The following LINC00305 variants were observed in gnomAD, a reference collection of about 807,000 sequenced individuals.
LINC00305 encodes the protein long independently transcribed non-coding RNA 305.
intron 3 of LINC00305, chr18:64,097,725 G>GTCC (rs2051250341): frequency 2.7e-6 from 1 of 368,314 alleles, no homozygotes; most frequent in Non-Finnish European, 5.3e-6. Context: ...ATTATCAGAA[G>GTCC]TAATATTATT....
At chr18:64,099,563 C>A (rs1940870641) in intron 1 of LINC00305, among the ~76,000 whole-genome samples, 1 of 152,098 alleles carries the variant, frequency 6.6e-6, no homozygotes, top group Admixed American at 6.5e-5. Context: ...AAATAAAAAT[C>A]TTTTTTGCTA....
intron 1 of LINC00305, among the ~76,000 whole-genome samples, chr18:64,128,531 C>T (rs1204830867): frequency 6.6e-6 from 1 of 152,030 alleles, no homozygotes; most frequent in Non-Finnish European, 1.5e-5. Flanking sequence ...CCTGGGAGCA[C>T]TGAAATGAAA....
At chr18:64,116,876 G>A (rs926324058) in intron 1 of LINC00305, among the ~76,000 whole-genome samples, 1 of 152,172 alleles carries the variant, frequency 6.6e-6, no homozygotes, top group Non-Finnish European at 1.5e-5. Flanking sequence ...CCATGGAAAT[G>A]AGTCCTGGGG....
chr18:64,105,013 C>A (rs1220866229), intron 1 of LINC00305, among the ~76,000 whole-genome samples: 1 of 151,930 alleles, frequency 6.6e-6, no homozygotes, highest in African/African-American at 2.4e-5. Context: ...TACTTCAGCA[C>A]CCACCCCCCA....
chr18:64,122,750 A>G (rs1433279664), intron 1 of LINC00305, among the ~76,000 whole-genome samples: 1 of 152,144 alleles, frequency 6.6e-6, no homozygotes, highest in Non-Finnish European at 1.5e-5. Flanking sequence ...TAGAGATTAC[A>G]TTAACTCTGT....
At position 64,114,687 on chromosome 18, in the gene LINC00305, T is replaced by G. The variant is rs534527003; in HGVS notation, n.315-16047A>C. Among the ~76,000 whole-genome samples the G allele has an allele frequency of 8.5e-5, 13 of 152,310 alleles. No individual in the cohort carries two copies. In the South Asian group the frequency reaches 2.3e-3, roughly 27 times the overall value. On this transcript the variant is annotated intron_variant and non_coding_transcript_variant, in intron 1 of 3. Transcript: ENST00000666468. ...CCTTAGCCTCCAGAGTAGCTGAGAT[T>G]ACAGGTGCATGCCACCACACCCAGC...
chr18:64,129,618 T>C (rs2051400414), intron 1 of LINC00305, among the ~76,000 whole-genome samples: 1 of 152,176 alleles, frequency 6.6e-6, no homozygotes, highest in African/African-American at 2.4e-5. Flanking sequence ...TGTTTCCTAT[T>C]CAGGAATCTT....
At chr18:64,133,545 T>C (rs1466442160) in intron 1 of LINC00305, among the ~76,000 whole-genome samples, 1 of 152,206 alleles carries the variant, frequency 6.6e-6, no homozygotes, top group Non-Finnish European at 1.5e-5. Flanking sequence ...AGGCCACAGA[T>C]AGGCTCCCAG....
At chr18:64,098,024 C>G (rs2051252132) in intron 2 of LINC00305, 1 of 457,118 alleles carries the variant, frequency 2.2e-6, no homozygotes, top group African/African-American at 2.0e-5. Context: ...GAGTGGAGAG[C>G]AAGGTGGCAA....
At position 64,114,402 on chromosome 18, in the gene LINC00305, A is replaced by G. The variant is rs190888379; in HGVS notation, n.315-15762T>C. Among the ~76,000 whole-genome samples, 4 of 152,268 alleles carry G rather than the reference A, an allele frequency of 2.6e-5. No individual in the cohort carries two copies. In the East Asian group the frequency reaches 5.8e-4, roughly 22 times the overall value. On this transcript the variant is annotated intron_variant and non_coding_transcript_variant, in intron 1 of 3. Transcript: ENST00000666468. ...CAAGCCCTTAACCAGAGGATTGCTGAATGGGACTAAATGGACATTCCGGGT... is the reference window on the plus strand; with the variant it reads ...CAAGCCCTTAACCAGAGGATTGCTGGATGGGACTAAATGGACATTCCGGGT...
intron 3 of LINC00305, among the ~76,000 whole-genome samples, chr18:64,094,793 G>A (rs1418959269): frequency 6.6e-6 from 1 of 151,944 alleles, no homozygotes. Context: ...AATCCAGGAG[G>A]TGGAGCTTGC....
At chr18:64,144,531 G>A (rs542276155) in intron 1 of LINC00305, among the ~76,000 whole-genome samples, 3 of 151,486 alleles carry the variant, frequency 2.0e-5, no homozygotes, top group East Asian at 1.9e-4. Flanking sequence ...TTTTTGAGAC[G>A]GAATTTTGCT....
intron 1 of LINC00305, among the ~76,000 whole-genome samples, chr18:64,108,149 C>T (rs1254085789): frequency 6.6e-6 from 1 of 152,178 alleles, no homozygotes; most frequent in Non-Finnish European, 1.5e-5. Context: ...AATGGGGTTG[C>T]TGATTTCTGG....
chr18:64,103,341 G>A (rs1401012801), intron 1 of LINC00305, among the ~76,000 whole-genome samples: 1 of 152,114 alleles, frequency 6.6e-6, no homozygotes, highest in Admixed American at 6.5e-5. Flanking sequence ...AAATGAGTGT[G>A]GGTAGACAAT....
chr18:64,123,824 T>A (rs1175895600), intron 1 of LINC00305, among the ~76,000 whole-genome samples: 1 of 152,030 alleles, frequency 6.6e-6, no homozygotes, highest in African/African-American at 2.4e-5. Context: ...ATTAATGCCC[T>A]CTGTCAAGAA....
At chr18:64,112,796 G>T (rs532105249) in intron 1 of LINC00305, among the ~76,000 whole-genome samples, 1 of 152,020 alleles carries the variant, frequency 6.6e-6, no homozygotes, top group Admixed American at 6.5e-5. Flanking sequence ...ATGACTTTTG[G>T]TTTTTCATTT....
At position 64,104,498 on chromosome 18, in the gene LINC00305, C is replaced by T. The variant is rs573300601; in HGVS notation, n.315-5858G>A. ...CCCAACCTGCACCTTAATCAATTAC[C>T]ATTCTTGCCTTCACGTGCTGGCATG... On this transcript the variant is annotated intron_variant and non_coding_transcript_variant, in intron 1 of 3. Transcript: ENST00000666468. Among the ~76,000 whole-genome samples, 4 of 152,318 alleles carry T rather than the reference C, an allele frequency of 2.6e-5. No individual in the cohort carries two copies. In the South Asian group the frequency reaches 6.2e-4, roughly 24 times the overall value.
chr18:64,081,729 C>G (rs1420253418), intron 3 of LINC00305, among the ~76,000 whole-genome samples: 1 of 151,922 alleles, frequency 6.6e-6, no homozygotes, highest in East Asian at 1.9e-4. Context: ...TTTTGAAAAG[C>G]CCAAGCTGTG....
chr18:64,108,324 G>A (rs908995883), intron 1 of LINC00305, among the ~76,000 whole-genome samples: 1 of 152,112 alleles, frequency 6.6e-6, no homozygotes, highest in Non-Finnish European at 1.5e-5. Context: ...GAGAGAAGGG[G>A]AATCATAAAA....
Sources: gnomAD v4.1 joint callset for allele counts (sites outside exome capture counted in the v4.1 genomes callset) on GRCh38, gnomAD v4.1.1 for gene constraint, MANE v1.5 for transcripts, NCBI Gene and HGNC (gene_info 2026-07-23, HGNC 2026-07-21) for gene names.